The following STPG2 variants were observed in gnomAD, a reference collection of about 807,000 sequenced individuals.
The protein encoded by STPG2 is sperm tail PG-rich repeat containing 2.
In STPG2, 56 loss-of-function variants were observed where a neutral mutation model predicts 54.2. That is an observed-to-expected ratio of 1.03 (90% CI 0.83 to 1.29). STPG2 has a LOEUF of 1.29. Among genes scored for constraint, STPG2 ranks in the 50% most tolerant of loss-of-function variants. The pLI, the probability that STPG2 is intolerant of heterozygous loss-of-function variation, is 0.00. For synonymous variants in STPG2, 200 were observed against 181.8 expected, an observed-to-expected ratio of 1.10 and a Z score of -0.81; for missense variants, 596 against 544.9, an observed-to-expected ratio of 1.09 and a Z score of -0.93.
At chr4:97,613,433 T>C (rs1733779718) in intron 10 of STPG2, among the ~76,000 whole-genome samples, 1 of 151,628 alleles carries the variant, frequency 6.6e-6, no homozygotes, top group South Asian at 2.1e-4. Flanking sequence ...AAGTACATGA[T>C]AACTTTATTC....
intron 9 of STPG2, among the ~76,000 whole-genome samples, chr4:97,743,767 T>C (rs1442466856): frequency 2.0e-5 from 3 of 151,562 alleles, no homozygotes; most frequent in African/African-American, 7.3e-5. Flanking sequence ...ATTAATTCCA[T>C]GGGGTTCTAA....
At chr4:97,784,845 G>A (rs955258992) in intron 9 of STPG2, among the ~76,000 whole-genome samples, 1 of 151,982 alleles carries the variant, frequency 6.6e-6, no homozygotes, top group Non-Finnish European at 1.5e-5. Flanking sequence ...GTTTTAGTCT[G>A]TTCTCATACT....
chr4:98,064,635 G>A (rs1192506072), intron 5 of STPG2, among the ~76,000 whole-genome samples: 2 of 152,154 alleles, frequency 1.3e-5, no homozygotes, highest in African/African-American at 4.8e-5. Context: ...ATAAACATGA[G>A]GCATTCTCTA....
In STPG2 at chr4:97,452,399, T is replaced by C. The variant is rs538748299; in HGVS notation, c.462+260300A>G. On this transcript the variant is annotated intron_variant, in intron 4 of 4. Transcript: ENST00000522676. Reference sequence around the variant, plus strand: ...GTCTCCAGAGAGGCCCCACCTTTTTTAGGCCAGGAACGGCCTGAAGGCTGG... The same window carrying C: ...GTCTCCAGAGAGGCCCCACCTTTTTCAGGCCAGGAACGGCCTGAAGGCTGG... Among the ~76,000 whole-genome samples the C allele has an allele frequency of 5.8e-4, 89 of 152,160 alleles. 1 individual carries two copies. Among genetic ancestry groups the C allele is most frequent in the African/African-American group, 2.0e-3 (85 of 41,510 alleles).
intron 8 of STPG2, among the ~76,000 whole-genome samples, chr4:97,937,891 C>T (rs75989975): frequency 0.03 from 4,639 of 152,264 alleles, 92 homozygotes; most frequent in Non-Finnish European, 0.049. Flanking sequence ...ACCCATTTAA[C>T]GAAGCCCTTT....
chr4:97,564,946 C>T (rs1214894362), intron 10 of STPG2, among the ~76,000 whole-genome samples: 2 of 152,178 alleles, frequency 1.3e-5, no homozygotes, highest in East Asian at 1.9e-4. Flanking sequence ...ATCTTTGTGG[C>T]GTTCTCTGTA....
chr4:98,066,091 T>G (rs2110103204), intron 5 of STPG2, among the ~76,000 whole-genome samples: 1 of 131,474 alleles, frequency 7.6e-6, no homozygotes, highest in East Asian at 2.1e-4. Context: ...GTTTCATATA[T>G]CAAAAATATA....
At chr4:97,445,296 AT>A (rs769783939) in intron 4 of STPG2, among the ~76,000 whole-genome samples, 39 of 152,198 alleles carry the variant, frequency 2.6e-4, no homozygotes, top group Non-Finnish European at 5.4e-4. Context: ...CGAAATTAAA[AT>A]TGACATTATT....
chr4:97,607,029 G>C (rs1733612552), intron 10 of STPG2, among the ~76,000 whole-genome samples: 1 of 151,820 alleles, frequency 6.6e-6, no homozygotes, highest in African/African-American at 2.4e-5. Flanking sequence ...TAAAAATTTT[G>C]GAAATACTTC....
chr4:97,984,670 A>G (rs1355919236), intron 5 of STPG2, among the ~76,000 whole-genome samples: 2 of 152,174 alleles, frequency 1.3e-5, no homozygotes, highest in Non-Finnish European at 2.9e-5. Flanking sequence ...TTTTTAATAT[A>G]TGAAACATTG....
At chr4:97,981,917 CT>C (rs531584915) in intron 5 of STPG2, among the ~76,000 whole-genome samples, 287 of 148,916 alleles carry the variant, frequency 1.9e-3, no homozygotes, top group African/African-American at 7.0e-3. Flanking sequence ...CGGAGTCTCG[CT>C]CTGTTGCCCA....
intron 8 of STPG2, among the ~76,000 whole-genome samples, chr4:97,925,571 G>A (rs1732303768): frequency 6.6e-6 from 1 of 152,004 alleles, no homozygotes; most frequent in Non-Finnish European, 1.5e-5. Flanking sequence ...TGTATAATAA[G>A]ATAACAACAG....
intron 5 of STPG2, among the ~76,000 whole-genome samples, chr4:98,031,610 G>A (rs1050861514): frequency 1.6e-4 from 25 of 152,056 alleles, no homozygotes; most frequent in South Asian, 8.3e-4. Context: ...GCTTGAAACC[G>A]GAAGGCGGAG....
At chr4:97,448,217 T>C (rs1729276051) in intron 4 of STPG2, among the ~76,000 whole-genome samples, 1 of 152,208 alleles carries the variant, frequency 6.6e-6, no homozygotes, top group Non-Finnish European at 1.5e-5. Flanking sequence ...CACAAGCTCA[T>C]AGGTGGAAGG....
intron 3 of STPG2, among the ~76,000 whole-genome samples, chr4:98,116,512 C>A (rs1739529835): frequency 6.6e-6 from 1 of 151,902 alleles, no homozygotes; most frequent in South Asian, 2.1e-4. Context: ...CATTACACTT[C>A]TTTGCATAAC....
intron 7 of STPG2, among the ~76,000 whole-genome samples, chr4:97,972,070 A>T (rs931471805): frequency 6.6e-6 from 1 of 152,104 alleles, no homozygotes; most frequent in Non-Finnish European, 1.5e-5. Flanking sequence ...TATATTTTTC[A>T]TCTCTAGAAA....
At chr4:97,879,054 A>G (rs1730277399) in intron 8 of STPG2, among the ~76,000 whole-genome samples, 1 of 152,180 alleles carries the variant, frequency 6.6e-6, no homozygotes, top group Non-Finnish European at 1.5e-5. Context: ...TTGCTAAAAC[A>G]TAGCAAGAGT....
rs1182969727 is a variant in STPG2, at chr4:97,751,645, AGTATTCACT to A, written c.1205-38840_1205-38832del. Among the ~76,000 whole-genome samples the A allele has an allele frequency of 7.2e-5, 11 of 151,964 alleles. No homozygotes were observed. The South Asian group carries it at 2.3e-3, about 31-fold the overall frequency. ...AAACTTTGGAATAGACAGTGTGAAG[AGTATTCACT>A]GTGTCAAATAAACAAACATAACTGA... On this transcript the variant is annotated intron_variant, in intron 9 of 10. Transcript: ENST00000295268.
intron 10 of STPG2, among the ~76,000 whole-genome samples, chr4:97,703,647 A>T (rs1277038800): frequency 4.4e-5 from 6 of 135,904 alleles, no homozygotes; most frequent in Non-Finnish European, 7.7e-5. Context: ...TAAATAAAAC[A>T]TATATAAATA....
Sources: allele counts gnomAD v4.1 joint callset (sites outside exome capture counted in the v4.1 genomes callset), GRCh38; gene constraint gnomAD v4.1.1; transcripts MANE v1.5; gene names NCBI Gene and HGNC (gene_info 2026-07-23, HGNC 2026-07-21).